The following GMDS variants were observed in gnomAD, a reference collection of about 807,000 sequenced individuals.
The protein encoded by GMDS is GDP-mannose 4,6 dehydratase.
A neutral mutation model predicts 49.9 loss-of-function variants in GMDS; 20 were observed. The observed-to-expected ratio is 0.40, with a 90% CI of 0.28 to 0.58. GMDS has a LOEUF of 0.58. Ranked by LOEUF, GMDS falls within the 20% of genes least tolerant of loss-of-function variation. The pLI is 0.42. For synonymous variants in GMDS, 177 were observed against 178.6 expected, an observed-to-expected ratio of 0.99 and a Z score of 0.07; for missense variants, 362 against 481.4, an observed-to-expected ratio of 0.75 and a Z score of 2.32.
At chr6:1,732,475 T>C (rs1045058698) in intron 8 of GMDS, among the ~76,000 whole-genome samples, 2 of 152,156 alleles carry the variant, frequency 1.3e-5, no homozygotes, top group Middle Eastern at 3.4e-3. Context: ...AACGGAGGGA[T>C]GGGTCAAGGG....
At chr6:1,961,774 C>T (rs942630574) in intron 4 of GMDS, among the ~76,000 whole-genome samples, 2 of 152,202 alleles carry the variant, frequency 1.3e-5, no homozygotes, top group African/African-American at 2.4e-5. Flanking sequence ...CCTGCTGCCT[C>T]GTGAATCCTC....
At chr6:2,173,401 G>A (rs1411952857) in intron 1 of GMDS, among the ~76,000 whole-genome samples, 1 of 152,172 alleles carries the variant, frequency 6.6e-6, no homozygotes, top group Non-Finnish European at 1.5e-5. Context: ...CCCAGCCGAT[G>A]ATTTGATAAC....
At chr6:1,853,833 G>A (rs891710264) in intron 7 of GMDS, among the ~76,000 whole-genome samples, 6 of 152,204 alleles carry the variant, frequency 3.9e-5, no homozygotes, top group Admixed American at 3.9e-4. Flanking sequence ...CTTATTCATT[G>A]TAGAAAATCC....
chr6:2,053,429 T>C (rs866660497), intron 4 of GMDS, among the ~76,000 whole-genome samples: 1 of 152,086 alleles, frequency 6.6e-6, no homozygotes, highest in Non-Finnish European at 1.5e-5. Flanking sequence ...AAATGGCATA[T>C]ACACAATGCA....
At chr6:2,065,159 G>A (rs1258784694) in intron 4 of GMDS, among the ~76,000 whole-genome samples, 2 of 152,140 alleles carry the variant, frequency 1.3e-5, no homozygotes, top group African/African-American at 4.8e-5. Flanking sequence ...CCCAGCAGGG[G>A]CAGACTGACA....
intron 1 of GMDS, among the ~76,000 whole-genome samples, chr6:2,165,641 A>G (rs968834593): frequency 4.6e-5 from 7 of 152,268 alleles, no homozygotes; most frequent in Non-Finnish European, 7.3e-5. Flanking sequence ...ATCACATAGC[A>G]TAGTATGTTT....
chr6:1,696,290 G>A (rs940889971), intron 9 of GMDS, among the ~76,000 whole-genome samples: 25 of 152,224 alleles, frequency 1.6e-4, no homozygotes, highest in African/African-American at 1.2e-4. Flanking sequence ...CCCGAAGAGC[G>A]CAGTCCTCCC....
chr6:1,950,739 C>T (rs1162562482), intron 6 of GMDS, among the ~76,000 whole-genome samples: 1 of 152,188 alleles, frequency 6.6e-6, no homozygotes. Context: ...AGATGGCATT[C>T]ATCTCATCTG....
rs183143186 is a variant in GMDS at position 2,200,324 on chromosome 6, A to C, written c.102+44997T>G. Among the ~76,000 whole-genome samples the C allele has an allele frequency of 3.0e-3, 460 of 152,014 alleles. 1 individual carries two copies. The highest frequency in any genetic ancestry group is 8.3e-3 in the Admixed American group (127 of 15,262). ...CAGAGAGGCGAAGGATGAAGACAGAACACCACATGCACATCCGAGATGAAA... is the reference window on the plus strand; with the variant it reads ...CAGAGAGGCGAAGGATGAAGACAGACCACCACATGCACATCCGAGATGAAA... On this transcript the variant is annotated intron_variant, in intron 1 of 10. Transcript: ENST00000380815.
At chr6:2,237,737 G>C (rs767996643) in intron 1 of GMDS, among the ~76,000 whole-genome samples, 1 of 152,040 alleles carries the variant, frequency 6.6e-6, no homozygotes, top group Non-Finnish European at 1.5e-5. Context: ...GGCCAGGGTA[G>C]TCTTGAACTC....
intron 2 of GMDS, among the ~76,000 whole-genome samples, chr6:2,118,640 C>T (rs1271302402): frequency 6.6e-6 from 1 of 152,164 alleles, no homozygotes. Context: ...AAGGATACAA[C>T]ACACCCACAG....
intron 9 of GMDS, among the ~76,000 whole-genome samples, chr6:1,698,787 C>G (rs200013513): frequency 1.5e-5 from 2 of 133,076 alleles, no homozygotes; most frequent in Admixed American, 7.4e-5. Context: ...CCTGGTTTCC[C>G]TTTTTTTTTT....
At chr6:2,018,812 T>C (rs1487756159) in intron 4 of GMDS, among the ~76,000 whole-genome samples, 1 of 152,206 alleles carries the variant, frequency 6.6e-6, no homozygotes, top group South Asian at 2.1e-4. Context: ...TACAGGTTTT[T>C]CTATGAATAT....
chr6:1,913,368 G>C (rs943030294), intron 7 of GMDS, among the ~76,000 whole-genome samples: 2 of 134,552 alleles, frequency 1.5e-5, no homozygotes, highest in Non-Finnish European at 3.1e-5. Flanking sequence ...GCGACAGAGC[G>C]AGACTCCGTC....
chr6:2,123,570 C>G (rs1775258148), intron 2 of GMDS, among the ~76,000 whole-genome samples: 1 of 152,248 alleles, frequency 6.6e-6, no homozygotes, highest in African/African-American at 2.4e-5. Flanking sequence ...TTAGGTTAAT[C>G]TAGCCTGAAT....
intron 7 of GMDS, among the ~76,000 whole-genome samples, chr6:1,796,826 A>G (rs1769751107): frequency 6.6e-6 from 1 of 152,198 alleles, no homozygotes; most frequent in Admixed American, 6.5e-5. Context: ...AGCTCCTTCA[A>G]ACTGTAGTGA....
At chr6:2,095,488 T>C (rs1005047925) in intron 4 of GMDS, among the ~76,000 whole-genome samples, 10 of 152,250 alleles carry the variant, frequency 6.6e-5, no homozygotes, top group African/African-American at 2.4e-4. Flanking sequence ...TAAATCTAAA[T>C]AAGCTTATCA....
At chr6:1,704,275 C>A (rs1221757308) in intron 9 of GMDS, among the ~76,000 whole-genome samples, 1 of 150,886 alleles carries the variant, frequency 6.6e-6, no homozygotes, top group Admixed American at 6.6e-5. Flanking sequence ...TGAATAAAGG[C>A]ACTGAGATTC....
rs116790066 is a variant in GMDS, at chr6:1,669,444, G to A, written c.988-44904C>T. On this transcript the variant is annotated intron_variant, in intron 9 of 10. Transcript: ENST00000380815. ...TTAGGATTCAATAAATGTATGAAAC[G>A]TTTGTTTAGAGAGAAAAACGCACTT... is the stretch of plus-strand genomic sequence containing the variant. Among the ~76,000 whole-genome samples, 201 of 152,272 alleles carry A rather than the reference G, an allele frequency of 1.3e-3. 1 individual carries two copies. The highest frequency in any genetic ancestry group is 2.3e-3 in the Non-Finnish European group (158 of 68,004).
Sources: gnomAD v4.1 joint callset for allele counts (sites outside exome capture counted in the v4.1 genomes callset) on GRCh38, gnomAD v4.1.1 for gene constraint, MANE v1.5 for transcripts, NCBI Gene and HGNC (gene_info 2026-07-23, HGNC 2026-07-21) for gene names.